Variants in RANGAP1 observed in about 807,000 individuals in gnomAD.
RANGAP1 encodes Ran GTPase activating protein 1.
A neutral mutation model predicts 63.5 loss-of-function variants in RANGAP1; 38 were observed. The observed-to-expected ratio is 0.60, with a 90% confidence interval of 0.46 to 0.78. The LOEUF is 0.78. RANGAP1 is among the 30% of genes least tolerant of loss of function. The pLI is 0.00. For missense variants in RANGAP1, 630 were observed against 740.3 expected, an observed-to-expected ratio of 0.85 and a Z score of 1.73; for synonymous variants, 329 against 310.5, an observed-to-expected ratio of 1.06 and a Z score of -0.63.
chr22:41,267,851 T>C (rs1376338578), intron 4 of RANGAP1, among the ~76,000 whole-genome samples: 2 of 152,070 alleles, frequency 1.3e-5, no homozygotes, highest in African/African-American at 4.8e-5. Flanking sequence ...GAGTGCATGG[T>C]CTCAGCTCTC....
the RANGAP1 span, among the ~76,000 whole-genome samples, chr22:41,300,300 CA>C: frequency 1.3e-5 from 2 of 151,636 alleles, no homozygotes; most frequent in Admixed American, 1.3e-4. Context: ...TCACTTGAGG[CA>C]AAATGCAGCA....
At chr22:41,281,460 C>G (rs1289697294) in intron 1 of RANGAP1, 2 of 997,714 alleles carry the variant, frequency 2.0e-6, no homozygotes, top group Non-Finnish European at 2.4e-6. Context: ...CACACACCTG[C>G]TTGAGCATCT....
chr22:41,279,753 C>A (rs1305099533), intron 2 of RANGAP1, among the ~76,000 whole-genome samples: 1 of 143,672 alleles, frequency 7.0e-6, no homozygotes, highest in Non-Finnish European at 1.5e-5. Flanking sequence ...AATGAGCCAA[C>A]ATCGCACCAC....
chr22:41,271,263 A>G (rs2034801134), intron 3 of RANGAP1, among the ~76,000 whole-genome samples: 1 of 151,750 alleles, frequency 6.6e-6, no homozygotes, highest in African/African-American at 2.4e-5. Flanking sequence ...TGTGGCACAC[A>G]CATGGTCCCA....
chr22:41,254,246 T>C, intron 11 of RANGAP1, 62 bp downstream of exon 11: 1 of 1,593,936 alleles, frequency 6.3e-7, no homozygotes, highest in Non-Finnish European at 8.6e-7. Flanking sequence ...ATTGTGAAAG[T>C]GCCTCGGGAT....
At chr22:41,293,710 C>T in the RANGAP1 span, among the ~76,000 whole-genome samples, 3 of 134,472 alleles carry the variant, frequency 2.2e-5, no homozygotes, top group African/African-American at 9.0e-5. Flanking sequence ...ACCCGGGAGG[C>T]AGAGCTTGCA....
chr22:41,277,612 AC>A (rs1348623980), intron 2 of RANGAP1: 3 of 715,630 alleles, frequency 4.2e-6, no homozygotes, highest in Non-Finnish European at 5.7e-6. Flanking sequence ...AGGACTTATA[AC>A]CTAGCAGGGG....
intron 15 of RANGAP1, 132 bp downstream of exon 15, chr22:41,249,198 C>T: frequency 4.0e-6 from 5 of 1,261,886 alleles, no homozygotes; most frequent in Non-Finnish European, 5.3e-6. Context: ...GGCATGAGGG[C>T]CTCTCATGCA....
chr22:41,252,730 TGTTGTAACAGTG>T (rs2033549403), intron 12 of RANGAP1, 130 bp downstream of exon 12: 3 of 985,580 alleles, frequency 3.0e-6, no homozygotes, highest in Non-Finnish European at 4.1e-6. Context: ...CATTTGCGCG[TGTTGTAACAGTG>T]GCAGGCCAAG....
At chr22:41,250,323 C>A (rs985332958) in intron 13 of RANGAP1, among the ~76,000 whole-genome samples, 1 of 152,254 alleles carries the variant, frequency 6.6e-6, no homozygotes, top group Admixed American at 6.5e-5. Flanking sequence ...CCGCCCTCCC[C>A]GCTTCGACGC....
chr22:41,285,678 C>T (rs988460075), intron 1 of RANGAP1: 9 of 985,256 alleles, frequency 9.1e-6, no homozygotes, highest in African/African-American at 1.7e-5. Flanking sequence ...CATCTGGAAT[C>T]CCCGGCGGAC....
chr22:41,271,875 G>C (rs1008805728), intron 3 of RANGAP1, among the ~76,000 whole-genome samples: 1 of 152,192 alleles, frequency 6.6e-6, no homozygotes, highest in Non-Finnish European at 1.5e-5. Flanking sequence ...GGGCCATCAA[G>C]GGCAGATCCC....
At chr22:41,286,297 G>C (rs2035747721), upstream of RANGAP1, 1 of 152,316 alleles carries the variant, frequency 6.6e-6, no homozygotes, top group Admixed American at 6.5e-5. Context: ...CGGCCTCTCG[G>C]GTAGAGTAGT....
intron 12 of RANGAP1, among the ~76,000 whole-genome samples, chr22:41,251,315 G>A (rs898846811): frequency 1.3e-5 from 2 of 152,126 alleles, no homozygotes; most frequent in Non-Finnish European, 2.9e-5. Context: ...GAATGAATGA[G>A]TGAATGAACA....
chr22:41,279,984 G>A (rs1351724513), intron 2 of RANGAP1, among the ~76,000 whole-genome samples: 2 of 151,846 alleles, frequency 1.3e-5, no homozygotes, highest in African/African-American at 2.4e-5. Context: ...TGTAATCCCA[G>A]CTACTCAGGA....
the RANGAP1 span, among the ~76,000 whole-genome samples, chr22:41,291,837 C>A: frequency 2.0e-5 from 3 of 146,902 alleles, no homozygotes; most frequent in Admixed American, 6.7e-5. Flanking sequence ...GGAGGCGGAG[C>A]TTGCAGTGAG....
the RANGAP1 span, among the ~76,000 whole-genome samples, chr22:41,295,653 CT>C: frequency 6.7e-6 from 1 of 148,648 alleles, no homozygotes; most frequent in Non-Finnish European, 1.5e-5. Flanking sequence ...TCCTGTGACC[CT>C]GCCAAATCCC....
chr22:41,255,456 G>A (rs980020446), intron 10 of RANGAP1, among the ~76,000 whole-genome samples: 4 of 152,146 alleles, frequency 2.6e-5, no homozygotes, highest in African/African-American at 9.6e-5. Flanking sequence ...AGACTCCCCA[G>A]GCCCCATGGT....
At chr22:41,264,516 C>T (rs762979705) in intron 5 of RANGAP1, 148 bp downstream of exon 5, 13 of 1,073,924 alleles carry the variant, frequency 1.2e-5, no homozygotes, top group South Asian at 3.5e-5. Context: ...CTCTACCCTC[C>T]GGCCACAGGC....
Sources: allele counts gnomAD v4.1 joint callset (sites outside exome capture counted in the v4.1 genomes callset), GRCh38; gene constraint gnomAD v4.1.1; transcripts MANE v1.5; gene names NCBI Gene and HGNC (gene_info 2026-07-23, HGNC 2026-07-21).